The following CUX2 variants were observed in gnomAD, a reference collection of about 807,000 sequenced individuals.
CUX2 encodes the protein cut like homeobox 2, also known as homeobox protein cut-like 2.
In CUX2, 40 loss-of-function variants were observed where a neutral mutation model predicts 144.8. That is an observed-to-expected ratio of 0.28 (90% CI 0.21 to 0.36). The LOEUF (loss-of-function observed/expected upper bound fraction) is 0.36. Among genes scored for constraint, CUX2 ranks in the 10% least tolerant of loss-of-function variants. CUX2 has a pLI of 1.00. For synonymous variants in CUX2, 827 were observed against 875.6 expected (o/e 0.94, Z 0.98); for missense variants, 1,615 against 1,994.0 (o/e 0.81, Z 3.62).
intron 4 of CUX2, among the ~76,000 whole-genome samples, chr12:111,286,962 C>T (rs1319244858): frequency 6.6e-6 from 1 of 152,096 alleles, no homozygotes; most frequent in Non-Finnish European, 1.5e-5. Flanking sequence ...GGATCTGGAC[C>T]CTGAGCTGGA....
intron 4 of CUX2, among the ~76,000 whole-genome samples, chr12:111,269,398 T>C (rs1290270575): frequency 6.6e-6 from 1 of 152,234 alleles, no homozygotes; most frequent in African/African-American, 2.4e-5. Flanking sequence ...TGTTGTTTAC[T>C]CAGATAGCAT....
chr12:111,219,580 G>A (rs73197973), intron 3 of CUX2, among the ~76,000 whole-genome samples: 13,202 of 152,206 alleles, frequency 0.087, 627 homozygotes, highest in Middle Eastern at 0.13. Context: ...TGGCCTCTTA[G>A]AGCCTCAGTT....
chr12:111,222,830 C>T (rs1034270180), intron 3 of CUX2, among the ~76,000 whole-genome samples: 3 of 152,070 alleles, frequency 2.0e-5, no homozygotes, highest in African/African-American at 4.8e-5. Flanking sequence ...TGGGGGAATT[C>T]GTGTGGCATG....
chr12:111,298,676 T>G (rs1886138791), intron 9 of CUX2, 87 bp downstream of exon 9: 2 of 1,288,448 alleles, frequency 1.6e-6, no homozygotes, highest in Non-Finnish European at 2.2e-6. Context: ...AGGAAGGGAC[T>G]GAGCTTCATC....
chr12:111,186,574 C>T lies in CUX2; in HGVS notation c.64-27626C>T, dbSNP rs765691355. 2.0e-5 allele frequency among the ~76,000 whole-genome samples: 3 copies of T among 152,138 alleles called. No homozygotes were observed. Among genetic ancestry groups the T allele is most frequent in the Admixed American group, 6.5e-5 (1 of 15,276 alleles). ...CCATGGTTGCTGAGAGAGAGAAGGG[C>T]GACTCTGTGGCGTGAGGCTCGCAGC... is the stretch of plus-strand genomic sequence containing the variant. On this transcript the variant is annotated intron_variant, in intron 1 of 21. Transcript: ENST00000261726. The surrounding 1 kb of genome is among the most constrained non-coding windows in gnomAD (Gnocchi z 4.4).
At chr12:111,275,575 G>A (rs1884834793) in intron 4 of CUX2, among the ~76,000 whole-genome samples, 1 of 152,210 alleles carries the variant, frequency 6.6e-6, no homozygotes. Context: ...CGGATGCCCT[G>A]TCACTTCTCC....
intron 1 of CUX2, among the ~76,000 whole-genome samples, chr12:111,203,355 G>A (rs1259691970): frequency 6.6e-6 from 1 of 151,722 alleles, no homozygotes; most frequent in Non-Finnish European, 1.5e-5. Context: ...GACCAGCCTG[G>A]GCAACTTAGT....
chr12:111,089,419 G>A (rs1340995207), intron 1 of CUX2, among the ~76,000 whole-genome samples: 3 of 152,210 alleles, frequency 2.0e-5, no homozygotes, highest in Non-Finnish European at 4.4e-5. Context: ...AGCATCTGAA[G>A]CCTGTAATTT....
At chr12:111,158,032 A>ATG (rs1877509311) in intron 1 of CUX2, among the ~76,000 whole-genome samples, 1 of 152,210 alleles carries the variant, frequency 6.6e-6, no homozygotes, top group South Asian at 2.1e-4. Context: ...CCCTGGAGAG[A>ATG]TGTGCAAAGG....
chr12:111,125,204 G>T (rs1874977992), intron 1 of CUX2, among the ~76,000 whole-genome samples: 2 of 148,128 alleles, frequency 1.4e-5, no homozygotes, highest in South Asian at 4.3e-4. Flanking sequence ...TTTTGAGACA[G>T]AGTGTCCCTC....
chr12:111,147,999 C>T (rs1266796949), intron 1 of CUX2, among the ~76,000 whole-genome samples: 2 of 152,178 alleles, frequency 1.3e-5, no homozygotes, highest in Admixed American at 1.3e-4. Flanking sequence ...TTCTTAAAAA[C>T]TTAAAACTAG....
intron 3 of CUX2, 61 bp downstream of exon 3, chr12:111,217,998 C>A: frequency 6.3e-7 from 1 of 1,588,162 alleles, no homozygotes; most frequent in Non-Finnish European, 8.6e-7. Flanking sequence ...CCTCCTATCC[C>A]ACCTAGAGTT....
intron 19 of CUX2, among the ~76,000 whole-genome samples, chr12:111,337,927 C>T (rs1417151078): frequency 2.0e-5 from 3 of 151,724 alleles, no homozygotes; most frequent in African/African-American, 4.8e-5. Context: ...CCCAGCTACT[C>T]GGGAGGCTGA....
chr12:111,039,362 G>T lies in CUX2; in HGVS notation c.63+5122G>T, dbSNP rs1447591137. On this transcript the variant is annotated intron_variant, in intron 1 of 21. Coordinates refer to ENST00000261726, the MANE Select transcript of CUX2 (RefSeq NM_015267.4). The surrounding 1 kb of genome is among the most constrained non-coding windows in gnomAD (Gnocchi z 4.2). Reference sequence around the variant, plus strand: ...TGTCAGGGATGGTAGAGGTTGGCAGGGGGGAAGGACCCCAAGAACTGTATT... The same window carrying T: ...TGTCAGGGATGGTAGAGGTTGGCAGTGGGGAAGGACCCCAAGAACTGTATT... 6.6e-6 allele frequency among the ~76,000 whole-genome samples: 1 copy of T among 152,092 alleles called. No individual in the cohort carries two copies. The highest frequency in any genetic ancestry group is 1.9e-4 in the East Asian group (1 of 5,188).
intron 1 of CUX2, among the ~76,000 whole-genome samples, chr12:111,148,235 T>C (rs1199210316): frequency 6.6e-6 from 1 of 152,088 alleles, no homozygotes; most frequent in Non-Finnish European, 1.5e-5. Flanking sequence ...ACAACACGGA[T>C]GAACCTTGAA....
At chr12:111,243,550 C>A (rs1883135198) in intron 3 of CUX2, among the ~76,000 whole-genome samples, 1 of 133,652 alleles carries the variant, frequency 7.5e-6, no homozygotes, top group Non-Finnish European at 1.5e-5. Flanking sequence ...GTTGCCCAGG[C>A]TGGAGTGCAG....
chr12:111,046,741 C>T (rs11835462), intron 1 of CUX2, among the ~76,000 whole-genome samples: 1,616 of 152,316 alleles, frequency 0.011, 37 homozygotes, highest in African/African-American at 0.037. Context: ...ACTGCAACCT[C>T]TGCCTCCCAG....
chr12:111,107,736 T>C (rs1016622326), intron 1 of CUX2, among the ~76,000 whole-genome samples: 10 of 152,088 alleles, frequency 6.6e-5, no homozygotes, highest in African/African-American at 2.2e-4. Flanking sequence ...ATAAATGAGA[T>C]AGGGCAGTTA....
intron 3 of CUX2, among the ~76,000 whole-genome samples, chr12:111,248,207 A>G (rs925176318): frequency 6.6e-6 from 1 of 152,116 alleles, no homozygotes; most frequent in Non-Finnish European, 1.5e-5. Flanking sequence ...GGCCCAAAGC[A>G]TATCTTTTAA....
Sources: gnomAD v4.1 joint callset for allele counts (sites outside exome capture counted in the v4.1 genomes callset) on GRCh38, gnomAD v4.1.1 for gene constraint, Gnocchi (gnomAD v3.1) non-coding constraint, MANE v1.5 for transcripts, NCBI Gene and HGNC (gene_info 2026-07-23, HGNC 2026-07-21) for gene names.